The following FHIT variants were observed in gnomAD, a reference collection of about 807,000 sequenced individuals.
FHIT encodes the protein bis(5'-adenosyl)-triphosphatase.
FHIT carries 19 observed loss-of-function variants against 17.9 expected under a neutral mutation model. The observed-to-expected ratio is 1.06, with a 90% CI of 0.74 to 1.56. The LOEUF is 1.56. Among genes scored for constraint, FHIT ranks in the 40% most tolerant of loss-of-function variants. FHIT has a pLI of 0.00. For missense variants in FHIT, 248 were observed against 189.2 expected (o/e 1.31, Z -1.82); for synonymous variants, 81 against 69.7 (o/e 1.16, Z -0.81).
intron 5 of FHIT, among the ~76,000 whole-genome samples, chr3:60,097,733 C>T (rs1054013338): frequency 1.3e-4 from 20 of 150,046 alleles, no homozygotes; most frequent in Non-Finnish European, 2.2e-4. Flanking sequence ...TATTATTATA[C>T]TTTAAGTTTT....
intron 4 of FHIT, among the ~76,000 whole-genome samples, chr3:60,661,386 TTC>T (rs2107825381): frequency 6.6e-6 from 1 of 152,332 alleles, no homozygotes; most frequent in East Asian, 1.9e-4. Flanking sequence ...ATTATTTCAT[TTC>T]TTTTTTACGG....
At chr3:60,492,936 A>C (rs577931144) in intron 5 of FHIT, among the ~76,000 whole-genome samples, 2 of 152,244 alleles carry the variant, frequency 1.3e-5, no homozygotes, top group South Asian at 2.1e-4. Context: ...TGTGCCAGTT[A>C]ATCTTTATTT....
intron 5 of FHIT, among the ~76,000 whole-genome samples, chr3:60,308,323 A>C (rs1399523204): frequency 7.1e-6 from 1 of 141,494 alleles, no homozygotes; most frequent in Non-Finnish European, 1.6e-5. Flanking sequence ...GCATTCCTTC[A>C]GTGTAGAGTT....
At chr3:60,340,309 T>C (rs7627733) in intron 5 of FHIT, among the ~76,000 whole-genome samples, 3,170 of 152,288 alleles carry the variant, frequency 0.021, 108 homozygotes, top group African/African-American at 0.072. Context: ...GAAAAACATA[T>C]GGCTTTCTTT....
At chr3:60,344,694 A>G (rs1559838315) in intron 5 of FHIT, among the ~76,000 whole-genome samples, 1 of 152,182 alleles carries the variant, frequency 6.6e-6, no homozygotes, top group South Asian at 2.1e-4. Context: ...GTTTGTCAGG[A>G]AAGTTAATAA....
intron 5 of FHIT, among the ~76,000 whole-genome samples, chr3:60,399,631 A>C (rs562871179): frequency 6.6e-6 from 1 of 152,278 alleles, no homozygotes; most frequent in African/African-American, 2.4e-5. Context: ...TTCAGAGGAT[A>C]AATTACTTTT....
At chr3:60,580,375 T>A (rs2107678605) in intron 4 of FHIT, among the ~76,000 whole-genome samples, 1 of 152,180 alleles carries the variant, frequency 6.6e-6, no homozygotes, top group South Asian at 2.1e-4. Flanking sequence ...ATGAATAATC[T>A]CTTTTTCAAT....
chr3:60,631,636 G>A (rs1402612166), intron 4 of FHIT, among the ~76,000 whole-genome samples: 9 of 152,088 alleles, frequency 5.9e-5, no homozygotes, highest in Non-Finnish European at 8.8e-5. Context: ...TTTCATCTCC[G>A]GAGGCACTGT....
intron 3 of FHIT, among the ~76,000 whole-genome samples, chr3:61,003,256 T>G (rs1467178930): frequency 6.6e-6 from 1 of 152,212 alleles, no homozygotes; most frequent in Non-Finnish European, 1.5e-5. Context: ...CCATTTGCAA[T>G]CTGCAAAAGA....
intron 5 of FHIT, among the ~76,000 whole-genome samples, chr3:60,073,237 T>C (rs1220974790): frequency 6.6e-6 from 1 of 152,138 alleles, no homozygotes; most frequent in Non-Finnish European, 1.5e-5. Flanking sequence ...GTAGTAGAGA[T>C]GGTTGACTCA....
At chr3:60,192,524 A>C (rs1485649277) in intron 5 of FHIT, among the ~76,000 whole-genome samples, 2 of 152,182 alleles carry the variant, frequency 1.3e-5, no homozygotes, top group Non-Finnish European at 2.9e-5. Flanking sequence ...ACGTAACCAG[A>C]GGTAAGCATC....
At chr3:61,074,542 G>A (rs141076325) in intron 2 of FHIT, among the ~76,000 whole-genome samples, 2 of 152,082 alleles carry the variant, frequency 1.3e-5, no homozygotes, top group Non-Finnish European at 2.9e-5. Flanking sequence ...AATGCTGGAA[G>A]CTCTGACCCT....
At chr3:60,064,984 G>A (rs1430206920) in intron 5 of FHIT, among the ~76,000 whole-genome samples, 1 of 152,142 alleles carries the variant, frequency 6.6e-6, no homozygotes, top group Non-Finnish European at 1.5e-5. Flanking sequence ...AGTGGGAGGT[G>A]GCATTCAAAC....
At chr3:60,122,776 G>A (rs1238469430) in intron 5 of FHIT, among the ~76,000 whole-genome samples, 1 of 152,138 alleles carries the variant, frequency 6.6e-6, no homozygotes. Flanking sequence ...ACACCAACAG[G>A]AAACCATTTA....
chr3:60,263,259 TG>T (rs1706394426), intron 5 of FHIT, among the ~76,000 whole-genome samples: 1 of 151,978 alleles, frequency 6.6e-6, no homozygotes, highest in Non-Finnish European at 1.5e-5. Flanking sequence ...GAGTGAAAAC[TG>T]ATATAACCAT....
chr3:61,113,902 GGTCTCT>G (rs2036228841), intron 2 of FHIT, among the ~76,000 whole-genome samples: 1 of 152,152 alleles, frequency 6.6e-6, no homozygotes, highest in Non-Finnish European at 1.5e-5. Context: ...TGCAGCACAC[GGTCTCT>G]GTCTGAGCTG....
chr3:60,360,241 T>G (rs1005803534), intron 5 of FHIT, among the ~76,000 whole-genome samples: 1 of 152,080 alleles, frequency 6.6e-6, no homozygotes, highest in African/African-American at 2.4e-5. Context: ...CAAGAAAATT[T>G]TTTTTTTTGA....
At chr3:61,076,793 A>C (rs910626880) in intron 2 of FHIT, among the ~76,000 whole-genome samples, 1 of 152,198 alleles carries the variant, frequency 6.6e-6, no homozygotes, top group African/African-American at 2.4e-5. Context: ...AACTTGCAAC[A>C]ATGTGACTCC....
intron 4 of FHIT, among the ~76,000 whole-genome samples, chr3:60,724,026 A>G (rs1219670654): frequency 6.6e-6 from 1 of 152,222 alleles, no homozygotes; most frequent in African/African-American, 2.4e-5. Flanking sequence ...AATCAATCTA[A>G]TGTGTACAAT....
Sources: gnomAD v4.1 joint callset for allele counts (sites outside exome capture counted in the v4.1 genomes callset) on GRCh38, gnomAD v4.1.1 for gene constraint, MANE v1.5 for transcripts, NCBI Gene and HGNC (gene_info 2026-07-23, HGNC 2026-07-21) for gene names.